INSL6: variants seen among roughly 807,000 people sequenced by gnomAD.
INSL6 encodes insulin like 6, also known as insulin-like peptide INSL6.
Under a neutral mutation model 9.4 loss-of-function variants are expected in INSL6, and 16 were observed. The ratio of observed to expected loss-of-function variants is 1.70; its 90% CI spans 1.15 to 2.59. INSL6 has a LOEUF of 2.59. Ranked by LOEUF, INSL6 falls within the 30% of genes most tolerant of loss-of-function variation. The pLI, the probability that INSL6 is intolerant of heterozygous loss-of-function variation, is 0.00. For missense variants in INSL6, 391 were observed against 257.3 expected (o/e 1.52, Z -3.56); for synonymous variants, 154 against 96.9 (o/e 1.59, Z -3.46).
the INSL6 span, among the ~76,000 whole-genome samples, chr9:5,101,568 C>T: frequency 6.6e-6 from 1 of 152,278 alleles, no homozygotes; most frequent in Admixed American, 6.5e-5. Flanking sequence ...AATGGACAGA[C>T]TGCCTCAGGT....
the INSL6 span, among the ~76,000 whole-genome samples, chr9:5,113,191 C>CTTTTTTTT: frequency 1.7e-5 from 1 of 57,160 alleles, no homozygotes; most frequent in Non-Finnish European, 2.9e-5. Context: ...CTGGCAGGAG[C>CTTTTTTTT]TTTTTTTTTT....
chr9:5,041,475 C>G, the INSL6 span: 213 of 597,378 alleles, frequency 3.6e-4, no homozygotes, highest in African/African-American at 3.5e-3. Context: ...AAGGCTGACA[C>G]GATCATGAGC....
chr9:5,155,776 G>C (rs1225742734), intron 2 of INSL6, among the ~76,000 whole-genome samples: 2 of 151,780 alleles, frequency 1.3e-5, no homozygotes, highest in African/African-American at 4.8e-5. Flanking sequence ...TTTGGGGGTG[G>C]GGGGATAGGG....
intron 3 of INSL6, among the ~76,000 whole-genome samples, chr9:5,125,551 C>A (rs1464558433): frequency 1.3e-5 from 2 of 151,428 alleles, no homozygotes. Context: ...AAGTTATGAA[C>A]TATTTTAAAA....
chr9:5,111,475 A>C, the INSL6 span: 1 of 384,434 alleles, frequency 2.6e-6, no homozygotes. Context: ...TGCCCAGCTC[A>C]GGTGAGGAGT....
At chr9:5,136,553 T>G (rs867153359) in intron 2 of INSL6, among the ~76,000 whole-genome samples, 2 of 152,212 alleles carry the variant, frequency 1.3e-5, no homozygotes, top group South Asian at 2.1e-4. Flanking sequence ...AGAAAAGGCC[T>G]TTGACAAAAT....
chr9:5,175,419 G>A lies in INSL6; in HGVS notation c.289+9895C>T, dbSNP rs1825276027. Among the ~76,000 whole-genome samples the A allele has an allele frequency of 2.6e-5, 4 of 152,124 alleles. No homozygotes were observed. In the South Asian group the frequency reaches 6.2e-4, roughly 24 times the overall value. On this transcript the variant is annotated intron_variant, in intron 1 of 1. Coordinates refer to ENST00000381641, the MANE Select transcript of INSL6 (RefSeq NM_007179.3). The stretch of plus-strand genomic sequence containing the variant: ...GTCTATTCTCAACACAGTAGCCAGA[G>A]TGATCCATTTAAAATGTCAATTATG...
the INSL6 span, among the ~76,000 whole-genome samples, chr9:5,063,895 C>T: frequency 1.1e-4 from 17 of 152,226 alleles, no homozygotes; most frequent in South Asian, 2.1e-4. Flanking sequence ...TGGTGACTCA[C>T]GCGTGTAATC....
At chr9:5,149,377 C>A (rs1406399592) in intron 2 of INSL6, among the ~76,000 whole-genome samples, 2 of 151,868 alleles carry the variant, frequency 1.3e-5, no homozygotes, top group Non-Finnish European at 2.9e-5. Context: ...TGACTTTTCA[C>A]AGCTGCATCT....
the INSL6 span, among the ~76,000 whole-genome samples, chr9:5,035,454 C>A: frequency 6.6e-6 from 1 of 152,306 alleles, no homozygotes; most frequent in Admixed American, 6.5e-5. Flanking sequence ...ATACCAATAT[C>A]CTTGATGAAC....
At chr9:5,121,810 GAACA>G (rs1383740709), downstream of INSL6, among the ~76,000 whole-genome samples, 6 of 152,022 alleles carry the variant, frequency 3.9e-5, no homozygotes, top group African/African-American at 7.2e-5. Context: ...ATAAGTGATA[GAACA>G]GACAGAAAAA....
chr9:5,112,537 G>A, the INSL6 span: 2 of 598,176 alleles, frequency 3.3e-6, no homozygotes, highest in Non-Finnish European at 3.0e-6. Context: ...GGCCGAGTGG[G>A]AGAAGCAGGT....
the INSL6 span, among the ~76,000 whole-genome samples, chr9:5,017,972 C>G: frequency 6.6e-6 from 1 of 152,150 alleles, no homozygotes; most frequent in East Asian, 1.9e-4. Context: ...CCTTTACTTT[C>G]AGTCTATGTG....
At chr9:5,093,807 A>T in the INSL6 span, among the ~76,000 whole-genome samples, 2 of 152,182 alleles carry the variant, frequency 1.3e-5, no homozygotes, top group African/African-American at 4.8e-5. Flanking sequence ...GGACATCCTA[A>T]TGGTGTAGCC....
At chr9:5,170,244 G>C (rs576814769) in intron 1 of INSL6, among the ~76,000 whole-genome samples, 1 of 152,308 alleles carries the variant, frequency 6.6e-6, no homozygotes, top group Non-Finnish European at 1.5e-5. Context: ...ACCTGTTCCT[G>C]AGTGACTCCT....
chr9:5,089,738 T>A, the INSL6 span: 1 of 1,582,408 alleles, frequency 6.3e-7, no homozygotes, highest in Non-Finnish European at 8.6e-7. Context: ...GGGGAGGTGG[T>A]CGCTGTAAAA....
chr9:5,138,964 T>C lies in INSL6; in HGVS notation c.377-5372A>G, dbSNP rs570193224. ...CAGGAGATTTTAACAATATGCACCA[T>C]GTTAAAAAACATTTCTTGGTTGTTC... On this transcript the variant is annotated intron_variant, in intron 2 of 3. Coordinates refer to the INSL6 transcript ENST00000649639. Among the ~76,000 whole-genome samples, 25 of 152,240 alleles carry C rather than the reference T, an allele frequency of 1.6e-4. No individual in the cohort carries two copies. In the South Asian group the frequency reaches 5.0e-3, roughly 30 times the overall value.
chr9:5,069,309 G>T, the INSL6 span: 1 of 727,208 alleles, frequency 1.4e-6, no homozygotes, highest in Non-Finnish European at 2.2e-6. Flanking sequence ...TATGAAAGAA[G>T]CAGCTCTAAA....
chr9:5,136,919 G>A (rs200233079), intron 2 of INSL6, among the ~76,000 whole-genome samples: 1,556 of 152,250 alleles, frequency 0.01, 19 homozygotes, highest in African/African-American at 0.036. Flanking sequence ...CAACTTGAGC[G>A]AAGTCTCAGG....
Sources: gnomAD v4.1 joint callset for allele counts (sites outside exome capture counted in the v4.1 genomes callset) on GRCh38, gnomAD v4.1.1 for gene constraint, MANE v1.5 for transcripts, NCBI Gene and HGNC (gene_info 2026-07-23, HGNC 2026-07-21) for gene names.